C9: variants seen among roughly 807,000 people sequenced by gnomAD.
The protein encoded by C9 is complement component C9.
In C9, 63 loss-of-function variants were observed where a neutral mutation model predicts 65.4. The ratio of observed to expected loss-of-function variants is 0.96; its 90% CI spans 0.79 to 1.19. The LOEUF is 1.19. Ranked by LOEUF, C9 falls within the 50% of genes most tolerant of loss-of-function variation. C9 has a pLI of 0.00. For missense variants in C9, 744 were observed against 670.1 expected, an observed-to-expected ratio of 1.11 and a Z score of -1.22; for synonymous variants, 229 against 227.9, an observed-to-expected ratio of 1.00 and a Z score of -0.04.
At chr5:39,288,250 A>G (rs187271453) in intron 10 of C9, among the ~76,000 whole-genome samples, 10 of 151,986 alleles carry the variant, frequency 6.6e-5, no homozygotes, top group African/African-American at 1.7e-4. Context: ...GAGAAAAGGC[A>G]ATAGAATTTT....
At chr5:39,297,264 C>T (rs1454224390) in intron 9 of C9, among the ~76,000 whole-genome samples, 1 of 151,202 alleles carries the variant, frequency 6.6e-6, no homozygotes, top group Non-Finnish European at 1.5e-5. Context: ...ACTATGTACC[C>T]CATAAGTATG....
chr5:39,310,908 C>G (rs1446399823), intron 7 of C9, among the ~76,000 whole-genome samples: 1 of 152,196 alleles, frequency 6.6e-6, no homozygotes, highest in African/African-American at 2.4e-5. Context: ...GGATCCATCT[C>G]TCAGTGCTAC....
chr5:39,343,139 G>C (rs994541801), intron 1 of C9, among the ~76,000 whole-genome samples: 3 of 152,162 alleles, frequency 2.0e-5, no homozygotes, highest in Non-Finnish European at 4.4e-5. Context: ...TTCCAACTGA[G>C]GTACCGGGTT....
intron 1 of C9, among the ~76,000 whole-genome samples, chr5:39,359,017 AATATATAT>A (rs58599841): frequency 0.37 from 48,277 of 129,620 alleles, 9,064 homozygotes; most frequent in Middle Eastern, 0.43. Flanking sequence ...ATAAATAAAA[AATATATAT>A]ATATATATAT....
chr5:39,301,101 G>A (rs1285945157), intron 9 of C9, among the ~76,000 whole-genome samples: 2 of 152,056 alleles, frequency 1.3e-5, no homozygotes, highest in Admixed American at 6.6e-5. Context: ...ATAGTGAATA[G>A]AAAGATACAT....
chr5:39,308,133 G>A, intron 8 of C9, 97 bp downstream of exon 8: 2 of 1,126,510 alleles, frequency 1.8e-6, no homozygotes, highest in Non-Finnish European at 2.7e-6. Flanking sequence ...TAAGCACAAA[G>A]AGGACAGACA....
intron 9 of C9, among the ~76,000 whole-genome samples, chr5:39,294,701 C>T (rs59934249): frequency 0.11 from 15,934 of 151,644 alleles, 1,009 homozygotes; most frequent in African/African-American, 0.17. Context: ...GGGAACTCTT[C>T]CTAACTCATT....
At chr5:39,328,096 A>G (rs1230385200) in intron 5 of C9, among the ~76,000 whole-genome samples, 2 of 152,214 alleles carry the variant, frequency 1.3e-5, no homozygotes, top group African/African-American at 4.8e-5. Context: ...GTGGAGGCTT[A>G]GCAGAATGTC....
At chr5:39,361,017 C>T (rs1754507544) in intron 1 of C9, among the ~76,000 whole-genome samples, 3 of 151,776 alleles carry the variant, frequency 2.0e-5, no homozygotes, top group Non-Finnish European at 2.9e-5. Flanking sequence ...ATTGGAAACA[C>T]CCAAATGTTC....
chr5:39,313,892 ACTGGTCTCCCTCTCCAAATCTGCTCTAT>A (rs1680140296), intron 6 of C9, among the ~76,000 whole-genome samples: 1 of 152,146 alleles, frequency 6.6e-6, no homozygotes, highest in South Asian at 2.1e-4. Flanking sequence ...AAATTTAATT[ACTGGTCTCCCTCTCCAAATCTGCTCTAT>A]CTGAAGCTTT....
intron 9 of C9, among the ~76,000 whole-genome samples, chr5:39,306,013 A>C (rs1430713094): frequency 1.3e-5 from 2 of 151,976 alleles, no homozygotes; most frequent in Non-Finnish European, 2.9e-5. Flanking sequence ...ATACAAGAAA[A>C]TTAGCTCGAT....
chr5:39,298,394 C>A (rs181587123), intron 9 of C9, among the ~76,000 whole-genome samples: 63 of 151,080 alleles, frequency 4.2e-4, no homozygotes, highest in African/African-American at 1.4e-3. Flanking sequence ...AATGATAAAC[C>A]TCTACCAGAT....
chr5:39,296,005 C>T (rs963130162), intron 9 of C9, among the ~76,000 whole-genome samples: 1 of 151,594 alleles, frequency 6.6e-6, no homozygotes, highest in Non-Finnish European at 1.5e-5. Flanking sequence ...AATTAACCCC[C>T]CACTTTTTGT....
At chr5:39,322,540 C>T (rs1046296378) in intron 5 of C9, among the ~76,000 whole-genome samples, 1 of 151,900 alleles carries the variant, frequency 6.6e-6, no homozygotes, top group Admixed American at 6.6e-5. Flanking sequence ...AAAAGGCCAA[C>T]AAAACCAAGA....
chr5:39,327,018 T>C (rs577082567), intron 5 of C9, among the ~76,000 whole-genome samples: 5 of 152,126 alleles, frequency 3.3e-5, no homozygotes, highest in East Asian at 1.9e-4. Flanking sequence ...AATAAAAGGG[T>C]GAGATAGCAA....
rs555754033 is a variant in C9, at chr5:39,334,337, G to A, written c.477-2523C>T. Among the ~76,000 whole-genome samples the A allele has an allele frequency of 9.1e-4, 136 of 149,246 alleles. 1 individual carries two copies. In the Middle Eastern group the frequency reaches 0.015, roughly 16 times the overall value. On this transcript the variant is annotated intron_variant, in intron 4 of 10. Coordinates refer to ENST00000263408, the MANE Select transcript of C9 (RefSeq NM_001737.5). The stretch of plus-strand genomic sequence containing the variant: ...TGGGAGGAGAGGAGCGTCTCTGCCC[G>A]GCCGCCCCATCTGAGAAGTGAGGAG...
intron 5 of C9, 35 bp from the exon 6 acceptor site, chr5:39,316,064 G>C: frequency 1.3e-6 from 2 of 1,573,778 alleles, no homozygotes; most frequent in Non-Finnish European, 1.7e-6. Flanking sequence ...TTAAAAACAA[G>C]ATACGAAACA....
chr5:39,308,469 T>A, intron 7 of C9, 111 bp from the exon 8 acceptor site: 1 of 779,294 alleles, frequency 1.3e-6, no homozygotes, highest in Non-Finnish European at 2.3e-6. Flanking sequence ...CTATACACCA[T>A]GACTAAATTC....
intron 9 of C9, among the ~76,000 whole-genome samples, chr5:39,303,596 G>C (rs976265809): frequency 2.0e-5 from 3 of 150,488 alleles, no homozygotes; most frequent in Admixed American, 6.7e-5. Context: ...AGTTTACTTA[G>C]AAAATCTCAG....
Sources: allele counts gnomAD v4.1 joint callset (sites outside exome capture counted in the v4.1 genomes callset), GRCh38; gene constraint gnomAD v4.1.1; transcripts MANE v1.5; gene names NCBI Gene and HGNC (gene_info 2026-07-23, HGNC 2026-07-21).